DPP10: variants seen among roughly 807,000 people sequenced by gnomAD.
DPP10 encodes the protein dipeptidyl peptidase like 10.
Under a neutral mutation model 120.9 loss-of-function variants are expected in DPP10, and 33 were observed. That is an observed-to-expected ratio of 0.27 (90% CI 0.21 to 0.37). DPP10 has a LOEUF of 0.37. DPP10 is among the 10% of genes least tolerant of loss of function. The pLI is 1.00. For synonymous variants in DPP10, 337 were observed against 326.1 expected (o/e 1.03, Z -0.36); for missense variants, 816 against 942.8 (o/e 0.87, Z 1.76).
At chr2:115,036,300 G>A (rs899104965) in intron 1 of DPP10, among the ~76,000 whole-genome samples, 1 of 152,160 alleles carries the variant, frequency 6.6e-6, no homozygotes, top group Non-Finnish European at 1.5e-5. Context: ...TGTCCTTGAC[G>A]TGTGGGGATT....
intron 1 of DPP10, among the ~76,000 whole-genome samples, chr2:114,636,743 G>A (rs746836577): frequency 2.0e-5 from 3 of 151,858 alleles, no homozygotes; most frequent in Non-Finnish European, 2.9e-5. Flanking sequence ...GGTACTATGA[G>A]CCTTTGTAGG....
rs540486181 is a variant in DPP10, at chr2:115,795,645, A to C, written c.1700+4289A>C. ...TCTTGGTAGAAGTGATCTGTTTTCT[A>C]TATAAGTATTCTTTCAAACAGCATG... is the stretch of plus-strand genomic sequence containing the variant. On this transcript the variant is annotated intron_variant, in intron 19 of 25. Transcript: ENST00000410059. Among the ~76,000 whole-genome samples, 3 of 152,248 alleles carry C rather than the reference A, an allele frequency of 2.0e-5. No individual in the cohort carries two copies. The South Asian group carries it at 6.2e-4, about 32-fold the overall frequency.
At chr2:115,300,613 C>T (rs907067107) in intron 1 of DPP10, among the ~76,000 whole-genome samples, 2 of 151,972 alleles carry the variant, frequency 1.3e-5, no homozygotes, top group African/African-American at 4.8e-5. Flanking sequence ...AGTGGAATTA[C>T]TATTGATTAT....
chr2:115,476,901 A>G (rs1186760382), intron 3 of DPP10, among the ~76,000 whole-genome samples: 1 of 151,410 alleles, frequency 6.6e-6, no homozygotes, highest in Admixed American at 6.6e-5. Context: ...TAACAGAATG[A>G]AAGATAAAAA....
At chr2:115,210,047 T>C (rs2056403463) in intron 1 of DPP10, among the ~76,000 whole-genome samples, 1 of 152,108 alleles carries the variant, frequency 6.6e-6, no homozygotes, top group Non-Finnish European at 1.5e-5. Flanking sequence ...ATACTTTAAA[T>C]TCTAGGGTAC....
chr2:114,783,784 T>A (rs960552802), intron 1 of DPP10, among the ~76,000 whole-genome samples: 3 of 151,918 alleles, frequency 2.0e-5, no homozygotes, highest in Non-Finnish European at 4.4e-5. Context: ...CAGTGAGCTG[T>A]GTTTGCGTCA....
chr2:114,444,124 AC>A (rs1306813903), intron 1 of DPP10, among the ~76,000 whole-genome samples: 1 of 152,178 alleles, frequency 6.6e-6, no homozygotes, highest in Non-Finnish European at 1.5e-5. Flanking sequence ...GATAATTTAC[AC>A]CACCTCTAAT....
chr2:114,522,642 C>T (rs1344064848), intron 1 of DPP10, among the ~76,000 whole-genome samples: 1 of 152,038 alleles, frequency 6.6e-6, no homozygotes, highest in Admixed American at 6.5e-5. Flanking sequence ...AGAAATGATG[C>T]CTCTGATTGG....
rs533080660 is a variant in DPP10, at chr2:114,621,912, G to A, written c.60+179074G>A. ...GTGCCTGTCTTATTCTGGGTTGAGCGAGTGACTAGCCCTGGGCTGGCTGCT... is the reference window on the plus strand; with the variant it reads ...GTGCCTGTCTTATTCTGGGTTGAGCAAGTGACTAGCCCTGGGCTGGCTGCT... On this transcript the variant is annotated intron_variant, in intron 1 of 25. Transcript: ENST00000410059. Among the ~76,000 whole-genome samples, 138 of 151,910 alleles carry A rather than the reference G, an allele frequency of 9.1e-4. 1 individual carries two copies. The highest frequency in any genetic ancestry group is 3.2e-3 in the African/African-American group (133 of 41,466).
chr2:114,540,894 G>A (rs1686896769), intron 1 of DPP10, among the ~76,000 whole-genome samples: 1 of 152,154 alleles, frequency 6.6e-6, no homozygotes, highest in Admixed American at 6.5e-5. Context: ...ACTAAAGGCT[G>A]TGAACTGCCT....
intron 1 of DPP10, among the ~76,000 whole-genome samples, chr2:114,459,274 G>T (rs1678742504): frequency 6.6e-6 from 1 of 152,172 alleles, no homozygotes; most frequent in Non-Finnish European, 1.5e-5. Context: ...TGTACTACTA[G>T]AAGATGTAAC....
chr2:115,327,939 T>C (rs576518975), intron 2 of DPP10, among the ~76,000 whole-genome samples: 1 of 152,184 alleles, frequency 6.6e-6, no homozygotes, highest in African/African-American at 2.4e-5. Context: ...CCATTGCTTT[T>C]GTATCACAAG....
intron 3 of DPP10, among the ~76,000 whole-genome samples, chr2:115,488,881 A>T (rs2075923158): frequency 1.5e-4 from 1 of 6,530 alleles, no homozygotes; most frequent in Non-Finnish European, 2.5e-3. Flanking sequence ...AGAGTATAAT[A>T]AAAAAAAAAA....
chr2:115,034,728 TC>T (rs1704103763), intron 1 of DPP10, among the ~76,000 whole-genome samples: 1 of 152,186 alleles, frequency 6.6e-6, no homozygotes, highest in South Asian at 2.1e-4. Flanking sequence ...GCCATTGACT[TC>T]TCACTCTTCC....
chr2:115,562,933 A>G (rs1289231950), intron 5 of DPP10, among the ~76,000 whole-genome samples: 2 of 152,218 alleles, frequency 1.3e-5, no homozygotes, highest in African/African-American at 4.8e-5. Context: ...AGGTAATAAT[A>G]TCTTCCCGGT....
At chr2:114,585,774 T>C (rs977644761) in intron 1 of DPP10, among the ~76,000 whole-genome samples, 5 of 152,164 alleles carry the variant, frequency 3.3e-5, no homozygotes, top group Non-Finnish European at 5.9e-5. Flanking sequence ...TTCTCTCAAC[T>C]TGATGTCCCT....
chr2:115,720,157 C>T (rs62155335), intron 7 of DPP10, among the ~76,000 whole-genome samples: 12,926 of 152,222 alleles, frequency 0.085, 685 homozygotes, highest in Non-Finnish European at 0.11. Context: ...ACCAGCAGTG[C>T]ACGAGGGTTC....
chr2:115,231,029 A>G (rs1461837245), intron 1 of DPP10, among the ~76,000 whole-genome samples: 1 of 151,906 alleles, frequency 6.6e-6, no homozygotes, highest in African/African-American at 2.4e-5. Flanking sequence ...CATCAAAAAG[A>G]AAAAAAAGAG....
chr2:115,117,823 A>G (rs1199669557), intron 1 of DPP10, among the ~76,000 whole-genome samples: 1 of 152,154 alleles, frequency 6.6e-6, no homozygotes, highest in Non-Finnish European at 1.5e-5. Flanking sequence ...GAGGGGAGGA[A>G]ATACTTGGAT....
Sources: gnomAD v4.1 joint callset for allele counts (sites outside exome capture counted in the v4.1 genomes callset) on GRCh38, gnomAD v4.1.1 for gene constraint, MANE v1.5 for transcripts, NCBI Gene and HGNC (gene_info 2026-07-23, HGNC 2026-07-21) for gene names.